The following GPC6 variants were observed in gnomAD, a reference collection of about 807,000 sequenced individuals.
The protein encoded by GPC6 is glypican 6, also known as glypican-6.
In GPC6, 14 loss-of-function variants were observed where a neutral mutation model predicts 55.2. That is an observed-to-expected ratio of 0.25 (90% CI 0.17 to 0.40). GPC6 has a LOEUF of 0.40. Ranked by LOEUF, GPC6 falls within the 10% of genes least tolerant of loss-of-function variation. GPC6 has a pLI of 1.00. For missense variants in GPC6, 641 were observed against 708.5 expected, an observed-to-expected ratio of 0.90 and a Z score of 1.08; for synonymous variants, 278 against 259.6, an observed-to-expected ratio of 1.07 and a Z score of -0.68.
chr13:93,573,714 C>A (rs1350396185), intron 2 of GPC6, among the ~76,000 whole-genome samples: 1 of 152,118 alleles, frequency 6.6e-6, no homozygotes, highest in Admixed American at 6.6e-5. Context: ...GCTTCTGGAT[C>A]CTGCTGCCAA....
intron 2 of GPC6, among the ~76,000 whole-genome samples, chr13:93,662,271 A>T (rs1446932208): frequency 2.6e-5 from 4 of 152,208 alleles, no homozygotes; most frequent in Non-Finnish European, 5.9e-5. Context: ...TTATCACTGA[A>T]AACTAACAGT....
At chr13:94,275,522 G>A (rs573485213) in intron 4 of GPC6, among the ~76,000 whole-genome samples, 2 of 152,188 alleles carry the variant, frequency 1.3e-5, no homozygotes, top group East Asian at 3.9e-4. Flanking sequence ...AACTTAGAAA[G>A]GAGAAGACCT....
intron 3 of GPC6, among the ~76,000 whole-genome samples, chr13:93,839,700 G>A (rs982757068): frequency 4.6e-5 from 7 of 151,950 alleles, no homozygotes; most frequent in Non-Finnish European, 8.8e-5. Context: ...TTATTGTCCC[G>A]TCTTCAGAGA....
At chr13:93,418,659 C>T (rs959416232) in intron 1 of GPC6, among the ~76,000 whole-genome samples, 69 of 150,398 alleles carry the variant, frequency 4.6e-4, no homozygotes, top group South Asian at 2.1e-4. Flanking sequence ...TTATTAATAG[C>T]GCTATACCGT....
chr13:94,146,630 G>A (rs564003544), intron 4 of GPC6, among the ~76,000 whole-genome samples: 2 of 152,022 alleles, frequency 1.3e-5, no homozygotes, highest in South Asian at 4.2e-4. Context: ...CATGTCCAAG[G>A]TTACTGAACC....
At chr13:93,422,167 C>A (rs995639484) in intron 1 of GPC6, among the ~76,000 whole-genome samples, 1 of 152,080 alleles carries the variant, frequency 6.6e-6, no homozygotes, top group Non-Finnish European at 1.5e-5. Context: ...CACTCTTCCC[C>A]CACGATTATT....
chr13:93,912,481 C>G lies in GPC6; in HGVS notation c.711+81936C>G, dbSNP rs9561468. On this transcript the variant is annotated intron_variant, in intron 3 of 8. Coordinates refer to ENST00000377047, the MANE Select transcript of GPC6 (RefSeq NM_005708.5). ...AAATTCGGCCGGGTGCAGTGGCTCA[C>G]GCCTGTAATCCCAGCAATTTGGGAG... Among the ~76,000 whole-genome samples the G allele has an allele frequency of 3.9e-4, 60 of 152,264 alleles. No homozygotes were observed. The East Asian group carries it at 0.011, about 29-fold the overall frequency.
At chr13:93,612,443 G>C (rs1878513641) in intron 2 of GPC6, among the ~76,000 whole-genome samples, 1 of 151,484 alleles carries the variant, frequency 6.6e-6, no homozygotes, top group Non-Finnish European at 1.5e-5. Flanking sequence ...AGCTTGCAGT[G>C]AGCCAAGATT....
chr13:93,983,988 T>A (rs1254842861), intron 3 of GPC6, among the ~76,000 whole-genome samples: 40 of 152,042 alleles, frequency 2.6e-4, no homozygotes, highest in Admixed American at 2.6e-3. Flanking sequence ...AAGAAAAAAA[T>A]GGTAATTTGC....
At chr13:93,305,198 C>T (rs1189259593) in intron 1 of GPC6, among the ~76,000 whole-genome samples, 1 of 152,138 alleles carries the variant, frequency 6.6e-6, no homozygotes, top group Non-Finnish European at 1.5e-5. Context: ...CTGGCCTCAC[C>T]TCAGGTCAAT....
intron 3 of GPC6, among the ~76,000 whole-genome samples, chr13:93,866,008 G>A (rs1288118922): frequency 2.0e-5 from 3 of 151,704 alleles, no homozygotes; most frequent in Admixed American, 1.3e-4. Flanking sequence ...ATGAGTCAAA[G>A]CTTAAGGGTA....
intron 3 of GPC6, among the ~76,000 whole-genome samples, chr13:93,906,871 A>T (rs1876697624): frequency 6.6e-6 from 1 of 152,214 alleles, no homozygotes; most frequent in South Asian, 2.1e-4. Context: ...ACTGAGTCTA[A>T]CAAGGAATTT....
chr13:93,698,098 T>C (rs1253621441), intron 2 of GPC6, among the ~76,000 whole-genome samples: 1 of 152,160 alleles, frequency 6.6e-6, no homozygotes, highest in African/African-American at 2.4e-5. Context: ...TTTCTATTCA[T>C]CCAAACTTAA....
intron 2 of GPC6, among the ~76,000 whole-genome samples, chr13:93,607,408 G>T (rs1051479256): frequency 1.3e-5 from 2 of 152,184 alleles, no homozygotes; most frequent in Non-Finnish European, 2.9e-5. Flanking sequence ...AGTAAACAAT[G>T]CCAGGTCCTT....
chr13:93,884,157 G>A (rs1385834606), intron 3 of GPC6, among the ~76,000 whole-genome samples: 5 of 152,110 alleles, frequency 3.3e-5, no homozygotes, highest in African/African-American at 1.2e-4. Context: ...TTAGAAAAAT[G>A]TTTGAAATGG....
At chr13:93,488,343 C>A (rs2139351469) in intron 1 of GPC6, among the ~76,000 whole-genome samples, 1 of 152,270 alleles carries the variant, frequency 6.6e-6, no homozygotes, top group South Asian at 2.1e-4. Flanking sequence ...TGTACATGTG[C>A]CACATTTTCT....
chr13:93,531,630 C>T (rs1014720464), intron 1 of GPC6, among the ~76,000 whole-genome samples: 2 of 152,144 alleles, frequency 1.3e-5, no homozygotes, highest in Admixed American at 1.3e-4. Flanking sequence ...ATGGCCTAGC[C>T]GTGCTGGCTC....
intron 1 of GPC6, among the ~76,000 whole-genome samples, chr13:93,352,238 A>T (rs1880656656): frequency 6.6e-6 from 1 of 152,190 alleles, no homozygotes; most frequent in South Asian, 2.1e-4. Context: ...TGGTATGCGA[A>T]TTTCACTTTA....
At chr13:94,337,437 C>T (rs1365243621) in intron 6 of GPC6, among the ~76,000 whole-genome samples, 2 of 147,728 alleles carry the variant, frequency 1.4e-5, no homozygotes, top group African/African-American at 2.5e-5. Flanking sequence ...TCATGATATA[C>T]ATTTTTTTTC....
Sources: gnomAD v4.1 joint callset for allele counts (sites outside exome capture counted in the v4.1 genomes callset) on GRCh38, gnomAD v4.1.1 for gene constraint, MANE v1.5 for transcripts, NCBI Gene and HGNC (gene_info 2026-07-23, HGNC 2026-07-21) for gene names.